The following IL16 variants were observed in gnomAD, a reference collection of about 807,000 sequenced individuals.
IL16 encodes pro-interleukin-16.
IL16 carries 67 observed loss-of-function variants against 110.1 expected under a neutral mutation model. The ratio of observed to expected loss-of-function variants is 0.61; its 90% CI spans 0.50 to 0.75. The LOEUF (loss-of-function observed/expected upper bound fraction) is 0.75, where lower values mean the gene tolerates loss of function less well. IL16 is among the 30% of genes least tolerant of loss of function. The pLI is 0.00. For missense variants in IL16, 1,545 were observed against 1,655.0 expected (o/e 0.93, Z 1.15); for synonymous variants, 689 against 662.9 (o/e 1.04, Z -0.61).
At chr15:81,258,729 C>T (rs199910193) in intron 2 of IL16, among the ~76,000 whole-genome samples, 4 of 140,054 alleles carry the variant, frequency 2.9e-5, no homozygotes, top group East Asian at 1.9e-4. Flanking sequence ...CTCGCGCACG[C>T]GCTCTCTCTC....
chr15:81,245,723 G>GTTTTTTTTTTTTTT (rs1897517097), intron 2 of IL16, among the ~76,000 whole-genome samples: 1 of 78,666 alleles, frequency 1.3e-5, no homozygotes, highest in African/African-American at 7.3e-5. Flanking sequence ...TTTTGTTTTG[G>GTTTTTTTTTTTTTT]CTTTTTTTTT....
chr15:81,184,955 C>T (rs557500902), intron 1 of IL16, among the ~76,000 whole-genome samples: 17 of 152,262 alleles, frequency 1.1e-4, no homozygotes, highest in African/African-American at 4.1e-4. Flanking sequence ...CCTGTGGTCT[C>T]CACCATAGGT....
chr15:81,234,481 T>C (rs1032791383), intron 2 of IL16, among the ~76,000 whole-genome samples: 3 of 152,182 alleles, frequency 2.0e-5, no homozygotes, highest in African/African-American at 7.2e-5. Flanking sequence ...CTTATATAAA[T>C]TTGTACTTTT....
chr15:81,264,342 TG>T (rs1898281832), intron 3 of IL16, among the ~76,000 whole-genome samples: 1 of 152,214 alleles, frequency 6.6e-6, no homozygotes, highest in Admixed American at 6.5e-5. Flanking sequence ...TGGGCCCCGA[TG>T]GACCAAAACC....
intron 2 of IL16, among the ~76,000 whole-genome samples, chr15:81,234,139 C>G (rs1567010433): frequency 6.6e-6 from 1 of 152,022 alleles, no homozygotes; most frequent in Non-Finnish European, 1.5e-5. Context: ...CCTTCTTTAT[C>G]TTCAATCTGT....
At chr15:81,199,806 G>A (rs752041764) in intron 1 of IL16, among the ~76,000 whole-genome samples, 25 of 152,140 alleles carry the variant, frequency 1.6e-4, no homozygotes, top group Non-Finnish European at 2.9e-4. Flanking sequence ...GTCTGGCATC[G>A]GCATATGAAA....
intron 1 of IL16, among the ~76,000 whole-genome samples, chr15:81,222,542 C>G (rs1288020336): frequency 2.6e-5 from 4 of 151,984 alleles, no homozygotes; most frequent in African/African-American, 7.3e-5. Flanking sequence ...ACCTCTCTCC[C>G]CACCTCTATG....
intron 16 of IL16, chr15:81,305,627 A>G (rs903384668): frequency 7.6e-6 from 3 of 395,060 alleles, no homozygotes; most frequent in African/African-American, 6.0e-5. Context: ...AAGATTTTAT[A>G]TGGAATCCCA....
intron 10 of IL16, 50 bp downstream of exon 10, chr15:81,285,880 C>A: frequency 6.3e-7 from 1 of 1,589,754 alleles, no homozygotes; most frequent in Non-Finnish European, 8.6e-7. Context: ...TCGTTCAGTA[C>A]CAAAATTGGA....
At chr15:81,238,813 A>G (rs1018531910) in intron 2 of IL16, among the ~76,000 whole-genome samples, 15 of 149,626 alleles carry the variant, frequency 1.0e-4, no homozygotes, top group African/African-American at 3.7e-4. Flanking sequence ...GCCTGCTAGC[A>G]ATGAATTCTT....
At chr15:81,204,181 A>G (rs556806380) in intron 1 of IL16, among the ~76,000 whole-genome samples, 259 of 152,280 alleles carry the variant, frequency 1.7e-3, no homozygotes, top group Non-Finnish European at 2.5e-3. Context: ...TTGTATCCTG[A>G]GACTTTGCTG....
chr15:81,290,359 A>G (rs1038685045), intron 10 of IL16, 94 bp from the exon 11 acceptor site: 2 of 732,732 alleles, frequency 2.7e-6, no homozygotes, highest in Admixed American at 3.0e-5. Flanking sequence ...AATAATTTAG[A>G]ATCCAGTGGC....
At chr15:81,292,186 G>T in intron 11 of IL16, 3 of 361,638 alleles carry the variant, frequency 8.3e-6, no homozygotes, top group Non-Finnish European at 1.6e-5. Context: ...GAGATGGGCT[G>T]CCCCATTGGA....
intron 2 of IL16, among the ~76,000 whole-genome samples, chr15:81,239,587 T>C (rs2142095125): frequency 6.6e-6 from 1 of 152,338 alleles, no homozygotes; most frequent in African/African-American, 2.4e-5. Context: ...ACTGGACCAC[T>C]TGCCAGTGCC....
At chr15:81,188,002 C>T (rs1895442382) in intron 1 of IL16, among the ~76,000 whole-genome samples, 3 of 152,088 alleles carry the variant, frequency 2.0e-5, no homozygotes, top group Non-Finnish European at 4.4e-5. Flanking sequence ...GCAGGGGCCC[C>T]ATGGGTGGTG....
intron 16 of IL16, among the ~76,000 whole-genome samples, chr15:81,304,484 A>G (rs1900451570): frequency 6.6e-6 from 1 of 152,220 alleles, no homozygotes; most frequent in Admixed American, 6.5e-5. Flanking sequence ...GGCTGAGCAC[A>G]TGCACAAAAG....
chr15:81,271,296 A>AAAAT (rs1351737892), intron 5 of IL16, among the ~76,000 whole-genome samples: 12 of 150,600 alleles, frequency 8.0e-5, no homozygotes, highest in Non-Finnish European at 1.5e-4. Flanking sequence ...ATAAAATAAT[A>AAAAT]AAATAAATAA....
At chr15:81,222,745 G>GACACACAC (rs71718505) in intron 1 of IL16, among the ~76,000 whole-genome samples, 1,554 of 148,364 alleles carry the variant, frequency 0.01, 6 homozygotes, top group Non-Finnish European at 0.014. Context: ...CACACTCACA[G>GACACACAC]ACACACACAC....
chr15:81,285,362 A>G (rs1050386879), intron 9 of IL16, among the ~76,000 whole-genome samples: 23 of 152,296 alleles, frequency 1.5e-4, no homozygotes, highest in African/African-American at 5.3e-4. Flanking sequence ...GTTAATTGTT[A>G]TTTAGTTGAA....
Sources: gnomAD v4.1 joint callset for allele counts (sites outside exome capture counted in the v4.1 genomes callset) on GRCh38, gnomAD v4.1.1 for gene constraint, MANE v1.5 for transcripts, NCBI Gene and HGNC (gene_info 2026-07-23, HGNC 2026-07-21) for gene names.